THEMIS: variants seen among roughly 807,000 people sequenced by gnomAD.
The protein encoded by THEMIS is thymocyte selection associated.
A neutral mutation model predicts 52.6 loss-of-function variants in THEMIS; 37 were observed. The ratio of observed to expected loss-of-function variants is 0.70; its 90% CI spans 0.54 to 0.93. THEMIS has a LOEUF of 0.93. THEMIS is among the 40% of genes least tolerant of loss of function. The pLI is 0.00. For synonymous variants in THEMIS, 292 were observed against 272.7 expected (o/e 1.07, Z -0.70); for missense variants, 808 against 763.1 (o/e 1.06, Z -0.69).
rs1455003790 is a variant in THEMIS at position 127,900,849 on chromosome 6, A to G, written c.84T>C (p.Tyr28=). Residue 28 remains tyrosine, a synonymous_variant, in exon 1 of 6, where the codon TAT becomes TAC. Coordinates refer to ENST00000368248, the MANE Select transcript of THEMIS (RefSeq NM_001010923.3). ...PRVLEIQAGI[Y]LEGSIYEMFG... ...GTATTGGAGAGTGCTTACCTTCAAG[A>G]TAGATGCCTGCCTGGATTTCTAGAA... The G allele has an allele frequency of 1.2e-6, 2 of 1,612,910 alleles. No homozygotes were observed. The highest frequency in any genetic ancestry group is 1.7e-6 in the Non-Finnish European group (2 of 1,179,194).
chr6:127,763,687 A>C (rs1776098779), intron 4 of THEMIS, among the ~76,000 whole-genome samples: 1 of 151,932 alleles, frequency 6.6e-6, no homozygotes, highest in Non-Finnish European at 1.5e-5. Flanking sequence ...CCAGGTAGCT[A>C]TTGAATTATT....
At position 127,710,019 on chromosome 6, in the gene THEMIS, A is replaced by G. The variant is rs76135180; in HGVS notation, c.1895-3T>C. Reference sequence around the variant, plus strand: ...ATGTTTTTCATTTTTGAATGTTTCTATAAATAAAAAAAGAAGGGTTTATCA... The same window carrying G: ...ATGTTTTTCATTTTTGAATGTTTCTGTAAATAAAAAAAGAAGGGTTTATCA... On this transcript the variant is annotated splice_polypyrimidine_tract_variant and splice_region_variant and intron_variant, in intron 5 of 5. Coordinates refer to ENST00000368248, the MANE Select transcript of THEMIS (RefSeq NM_001010923.3). The G allele has an allele frequency of 5.2e-3, 8,100 of 1,563,664 alleles. 383 individuals carry two copies. In the African/African-American group the frequency reaches 0.1, roughly 19 times the overall value.
intron 1 of THEMIS, among the ~76,000 whole-genome samples, chr6:127,880,157 C>T (rs1780437389): frequency 6.6e-6 from 1 of 152,042 alleles, no homozygotes; most frequent in Admixed American, 6.6e-5. Context: ...TTCCATGCAT[C>T]ATGTTTCACC....
At chr6:127,814,388 G>C (rs1179911718) in intron 3 of THEMIS, among the ~76,000 whole-genome samples, 1 of 152,074 alleles carries the variant, frequency 6.6e-6, no homozygotes, top group Non-Finnish European at 1.5e-5. Context: ...TCATATTCTT[G>C]AGGGCCAGAC....
intron 4 of THEMIS, among the ~76,000 whole-genome samples, chr6:127,783,333 C>T (rs1252917897): frequency 4.6e-5 from 7 of 152,160 alleles, no homozygotes; most frequent in Non-Finnish European, 8.8e-5. Context: ...GCATGGGCAA[C>T]GACTTCATGA....
downstream of THEMIS, chr6:127,708,099 A>C (rs1041783512): frequency 1.3e-5 from 2 of 152,084 alleles, no homozygotes; most frequent in Non-Finnish European, 2.9e-5. Flanking sequence ...CCCCCTCCTT[A>C]GTGAACAATT....
chr6:127,793,124 G>T lies in THEMIS; in HGVS notation c.1758+19759C>A, dbSNP rs1383666752. Among the ~76,000 whole-genome samples, 29 of 152,178 alleles carry T rather than the reference G, an allele frequency of 1.9e-4. 1 individual carries two copies. The highest frequency in any genetic ancestry group is 7.0e-4 in the African/African-American group (29 of 41,442). On this transcript the variant is annotated intron_variant, in intron 4 of 5. Transcript: ENST00000368248. ...CGAAAACAAATTGAGTTAGTTTCAGGAAGGAATAGTCTGCACTATTGCACA... is the reference window on the plus strand; with the variant it reads ...CGAAAACAAATTGAGTTAGTTTCAGTAAGGAATAGTCTGCACTATTGCACA...
chr6:127,873,210 A>G (rs1430901935), intron 1 of THEMIS, among the ~76,000 whole-genome samples: 1 of 152,214 alleles, frequency 6.6e-6, no homozygotes, highest in African/African-American at 2.4e-5. Context: ...TAAAGATGTC[A>G]ATTTTCCTCA....
intron 4 of THEMIS, among the ~76,000 whole-genome samples, chr6:127,762,298 G>A (rs908715155): frequency 6.6e-6 from 1 of 151,994 alleles, no homozygotes; most frequent in Non-Finnish European, 1.5e-5. Flanking sequence ...CAAGGAAGAT[G>A]AATAAGCTCT....
At chr6:127,819,180 A>C (rs1778247975) in intron 3 of THEMIS, among the ~76,000 whole-genome samples, 1 of 150,840 alleles carries the variant, frequency 6.6e-6, no homozygotes, top group Non-Finnish European at 1.5e-5. Context: ...AAACAGAAAT[A>C]AAGTCTTTGG....
Position 127,813,539 on chromosome 6 carries a change from C to T in THEMIS, c.1102G>A (p.Val368Met). The stretch of plus-strand genomic sequence containing the variant: ...GGGGAATGAAACGCTTTGGTGGCCA[C>T]CACGTGAAGAGGCTCCTTTTCACTC... ...AKSEKEPLHV[V>M]ATKAFHSPHD... Residue 368 changes from valine to methionine, a missense_variant, in exon 4 of 6, where the codon GTG becomes ATG. Val to Met is a conservative substitution (Grantham distance 21). Coordinates refer to ENST00000368248, the MANE Select transcript of THEMIS (RefSeq NM_001010923.3). 1.2e-6 allele frequency: 2 copies of T among 1,613,272 alleles called. No homozygotes were observed. Among genetic ancestry groups the T allele is most frequent in the Non-Finnish European group, 1.7e-6 (2 of 1,179,698 alleles).
intron 4 of THEMIS, among the ~76,000 whole-genome samples, chr6:127,794,906 C>T (rs1306882988): frequency 1.3e-5 from 2 of 152,006 alleles, no homozygotes; most frequent in South Asian, 2.1e-4. Context: ...AGACCATTTA[C>T]GGAGGTGTTT....
At chr6:127,897,366 A>C (rs186664508) in intron 1 of THEMIS, among the ~76,000 whole-genome samples, 7 of 151,658 alleles carry the variant, frequency 4.6e-5, no homozygotes, top group Admixed American at 3.3e-4. Flanking sequence ...TAGACTAAGA[A>C]AGTAATTTGC....
chr6:127,860,521 A>G (rs1779760612), intron 1 of THEMIS, among the ~76,000 whole-genome samples: 1 of 152,100 alleles, frequency 6.6e-6, no homozygotes, highest in South Asian at 2.1e-4. Flanking sequence ...TTTCTCGTGA[A>G]TTGGGGGTTT....
At chr6:127,830,546 T>C (rs1281562282) in intron 2 of THEMIS, among the ~76,000 whole-genome samples, 2 of 151,470 alleles carry the variant, frequency 1.3e-5, no homozygotes, top group Non-Finnish European at 2.9e-5. Context: ...ATTAGCTGGG[T>C]ATATTGGCGT....
chr6:127,833,605 C>A (rs773146558), intron 2 of THEMIS, among the ~76,000 whole-genome samples: 3 of 152,136 alleles, frequency 2.0e-5, no homozygotes, highest in Non-Finnish European at 4.4e-5. Flanking sequence ...GTCTCACCAG[C>A]CAGCCCTCTC....
chr6:127,848,638 C>G (rs1779308640), intron 2 of THEMIS, among the ~76,000 whole-genome samples: 1 of 152,150 alleles, frequency 6.6e-6, no homozygotes, highest in Non-Finnish European at 1.5e-5. Context: ...GAGATGGTAT[C>G]TCATTGTGGT....
downstream of THEMIS, among the ~76,000 whole-genome samples, chr6:127,706,942 G>A (rs772987794): frequency 1.3e-5 from 2 of 152,054 alleles, no homozygotes; most frequent in Non-Finnish European, 2.9e-5. Flanking sequence ...ACCCAAGACT[G>A]GGTAATTTAT....
At chr6:127,728,981 C>A (rs1774649188) in intron 4 of THEMIS, among the ~76,000 whole-genome samples, 1 of 150,880 alleles carries the variant, frequency 6.6e-6, no homozygotes, top group Non-Finnish European at 1.5e-5. Flanking sequence ...CACTTGAACC[C>A]CCCTCTCACT....
Sources: allele counts gnomAD v4.1 joint callset (sites outside exome capture counted in the v4.1 genomes callset), GRCh38; gene constraint gnomAD v4.1.1; transcripts MANE v1.5; gene names NCBI Gene and HGNC (gene_info 2026-07-23, HGNC 2026-07-21).